The following OR2L13 variants were observed in gnomAD, a reference collection of about 807,000 sequenced individuals.
OR2L13 encodes olfactory receptor family 2 subfamily L member 13, also known as olfactory receptor 2L13.
OR2L13 carries 14 observed loss-of-function variants against 15.3 expected under a neutral mutation model. The ratio of observed to expected loss-of-function variants is 0.91; its 90% confidence interval spans 0.60 to 1.43. The LOEUF is 1.43. Ranked by LOEUF, OR2L13 falls within the 40% of genes most tolerant of loss-of-function variation. The pLI is 0.00. For missense variants in OR2L13, 367 were observed against 387.9 expected, an observed-to-expected ratio of 0.95 and a Z score of 0.45; for synonymous variants, 152 against 142.9, an observed-to-expected ratio of 1.06 and a Z score of -0.45.
the OR2L13 span, among the ~76,000 whole-genome samples, chr1:248,048,762 C>T: frequency 5.3e-3 from 812 of 152,108 alleles, 10 homozygotes; most frequent in South Asian, 0.017. Flanking sequence ...TTTTAGATAT[C>T]GCTTCAGAAG....
chr1:248,051,531 A>G, the OR2L13 span, among the ~76,000 whole-genome samples: 1 of 152,312 alleles, frequency 6.6e-6, no homozygotes, highest in African/African-American at 2.4e-5. Context: ...GGAGCTAAGC[A>G]TTGGGTACAC....
At chr1:248,004,772 G>T in the OR2L13 span, among the ~76,000 whole-genome samples, 2 of 152,166 alleles carry the variant, frequency 1.3e-5, no homozygotes, top group Admixed American at 6.5e-5. Flanking sequence ...GTTGATTTTG[G>T]TATGGTATAA....
chr1:248,051,571 T>C, the OR2L13 span, among the ~76,000 whole-genome samples: 42,869 of 151,908 alleles, frequency 0.28, 10,030 homozygotes, highest in African/African-American at 0.65. Flanking sequence ...CAGTAGACAC[T>C]GGGGACTCCA....
At chr1:248,023,515 C>A in the OR2L13 span, 1 of 152,152 alleles carries the variant, frequency 6.6e-6, no homozygotes, top group Non-Finnish European at 1.5e-5. Context: ...GAACCATTCC[C>A]CAGTCACATC....
At chr1:248,079,630 T>C in the OR2L13 span, among the ~76,000 whole-genome samples, 6 of 152,144 alleles carry the variant, frequency 3.9e-5, no homozygotes, top group African/African-American at 1.4e-4. Context: ...GGGTAAAACA[T>C]AGCCAGTCTA....
At chr1:248,041,895 A>C in the OR2L13 span, 4 of 152,186 alleles carry the variant, frequency 2.6e-5, no homozygotes, top group South Asian at 4.1e-4. Context: ...AAACACTTTT[A>C]CACTGTTGTT....
At chr1:248,046,802 AT>A in the OR2L13 span, 2 of 152,188 alleles carry the variant, frequency 1.3e-5, no homozygotes, top group South Asian at 4.1e-4. Flanking sequence ...AAAACCATGT[AT>A]TTGTTTCTAT....
At chr1:248,003,074 G>C in the OR2L13 span, 1 of 877,658 alleles carries the variant, frequency 1.1e-6, no homozygotes, top group Non-Finnish European at 1.9e-6. Context: ...GGATAAGGAT[G>C]AATTTCTGTC....
At chr1:247,942,522 C>A in the OR2L13 span, among the ~76,000 whole-genome samples, 2 of 151,894 alleles carry the variant, frequency 1.3e-5, no homozygotes, top group Non-Finnish European at 2.9e-5. Context: ...AGTCTTAATC[C>A]CAGTCTCTTA....
At chr1:248,035,201 A>G in the OR2L13 span, among the ~76,000 whole-genome samples, 2 of 152,098 alleles carry the variant, frequency 1.3e-5, no homozygotes, top group Non-Finnish European at 2.9e-5. Flanking sequence ...CTGTAATCCC[A>G]GTACTTTGGG....
the OR2L13 span, among the ~76,000 whole-genome samples, chr1:248,044,287 A>T: frequency 6.6e-6 from 1 of 152,200 alleles, no homozygotes; most frequent in Non-Finnish European, 1.5e-5. Flanking sequence ...TTCAGACACA[A>T]AAAGAAAAAT....
chr1:248,083,768 A>G, the OR2L13 span: 107 of 1,614,026 alleles, frequency 6.6e-5, no homozygotes, highest in African/African-American at 1.4e-3. Context: ...TGAACATACT[A>G]TAGAAGGCTG....
chr1:248,033,306 G>T, the OR2L13 span, among the ~76,000 whole-genome samples: 27 of 152,226 alleles, frequency 1.8e-4, no homozygotes, highest in African/African-American at 6.3e-4. Context: ...TAGATATCTA[G>T]TTTTTCAAAC....
the OR2L13 span, among the ~76,000 whole-genome samples, chr1:248,021,238 G>T: frequency 4.8e-3 from 725 of 152,132 alleles, 8 homozygotes; most frequent in African/African-American, 0.017. Context: ...AAAAATTTTG[G>T]TTATAAATAT....
At chr1:248,082,422 G>A in the OR2L13 span, among the ~76,000 whole-genome samples, 14 of 146,274 alleles carry the variant, frequency 9.6e-5, no homozygotes, top group East Asian at 6.1e-4. Flanking sequence ...TGGGTGCAGC[G>A]CACCAGCATG....
chr1:248,033,186 C>T, the OR2L13 span, among the ~76,000 whole-genome samples: 1 of 152,114 alleles, frequency 6.6e-6, no homozygotes, highest in African/African-American at 2.4e-5. Context: ...TTCATTTTGC[C>T]ACTGACTATA....
At chr1:248,090,480 G>A (rs564318054), upstream of OR2L13, among the ~76,000 whole-genome samples, 150 of 152,172 alleles carry the variant, frequency 9.9e-4, no homozygotes, top group African/African-American at 3.5e-3. Context: ...TGTTGTTCCT[G>A]TCTGTGTGTC....
chr1:247,962,092 C>T, the OR2L13 span, among the ~76,000 whole-genome samples: 1 of 152,088 alleles, frequency 6.6e-6, no homozygotes, highest in South Asian at 2.1e-4. Context: ...TTGCTTTGGC[C>T]CAGAGGAGAA....
At chr1:248,030,502 G>A in the OR2L13 span, among the ~76,000 whole-genome samples, 979 of 152,276 alleles carry the variant, frequency 6.4e-3, 4 homozygotes, top group Non-Finnish European at 9.6e-3. Flanking sequence ...CATTATATTA[G>A]ACTATGCTTT....
Sources: gnomAD v4.1 joint callset for allele counts (sites outside exome capture counted in the v4.1 genomes callset) on GRCh38, gnomAD v4.1.1 for gene constraint, MANE v1.5 for transcripts, NCBI Gene and HGNC (gene_info 2026-07-23, HGNC 2026-07-21) for gene names.